The following NEK6 variants were observed in gnomAD, a reference collection of about 807,000 sequenced individuals.
The protein encoded by NEK6 is serine/threonine-protein kinase Nek6.
In NEK6, 27 loss-of-function variants were observed where a neutral mutation model predicts 43.5. That is an observed-to-expected ratio of 0.62 (90% CI 0.46 to 0.86). The LOEUF is 0.86. NEK6 is among the 40% of genes least tolerant of loss of function. The pLI is 0.00. For missense variants in NEK6, 318 were observed against 414.4 expected (o/e 0.77, Z 2.02); for synonymous variants, 167 against 164.1 (o/e 1.02, Z -0.14).
At chr9:124,289,176 G>GCC (rs61199330) in intron 1 of NEK6, among the ~76,000 whole-genome samples, 1 of 34,218 alleles carries the variant, frequency 2.9e-5, no homozygotes, top group African/African-American at 1.7e-4. Flanking sequence ...CACCCCCCCC[G>GCC]CCCCCCCCCG....
At chr9:124,337,150 T>C (rs1255846170) in intron 7 of NEK6, among the ~76,000 whole-genome samples, 1 of 152,222 alleles carries the variant, frequency 6.6e-6, no homozygotes. Flanking sequence ...ATGCCTCTGG[T>C]GATGGAGAGC....
chr9:124,329,122 C>T (rs932177456), intron 7 of NEK6, among the ~76,000 whole-genome samples: 6 of 152,202 alleles, frequency 3.9e-5, no homozygotes, highest in Non-Finnish European at 5.9e-5. Context: ...TTTGGGGACC[C>T]GGGCCACTGA....
At position 124,275,393 on chromosome 9, in the gene NEK6, G is replaced by A. The variant is rs117585522; in HGVS notation, c.-30+17308G>A. Among the ~76,000 whole-genome samples the A allele has an allele frequency of 5.3e-5, 8 of 152,122 alleles. 1 individual carries two copies. The highest frequency in any genetic ancestry group is 4.1e-4 in the South Asian group (2 of 4,824). ...GTGGAGGGGTGACCTGGTTGATGAC[G>A]GTCATGGAGCCCAGAACCCATGGGT... On this transcript the variant is annotated intron_variant, in intron 1 of 9. Transcript: ENST00000320246. The surrounding 1 kb of genome is among the most constrained non-coding windows in gnomAD (Gnocchi z 4.4).
chr9:124,336,652 G>T (rs978360790), intron 7 of NEK6, among the ~76,000 whole-genome samples: 8 of 152,186 alleles, frequency 5.3e-5, no homozygotes, highest in African/African-American at 1.9e-4. Flanking sequence ...GACAGCAGCA[G>T]CCTCTGTCAC....
chr9:124,308,207 C>A (rs917476064), intron 2 of NEK6, among the ~76,000 whole-genome samples: 3 of 152,230 alleles, frequency 2.0e-5, no homozygotes, highest in African/African-American at 7.2e-5. Context: ...TGAGCCCCAG[C>A]CTCCAGGCCC....
chr9:124,313,187 A>G (rs1392619919), intron 3 of NEK6, among the ~76,000 whole-genome samples: 1 of 152,202 alleles, frequency 6.6e-6, no homozygotes. Flanking sequence ...TAAATCCTCC[A>G]GCAAAGCTTC....
chr9:124,282,318 A>G (rs1831949103), intron 1 of NEK6, among the ~76,000 whole-genome samples: 1 of 152,136 alleles, frequency 6.6e-6, no homozygotes, highest in Admixed American at 6.5e-5. Context: ...CTCTGTCGCC[A>G]CATGGCCTTC....
At chr9:124,268,362 G>T (rs1831304644) in intron 1 of NEK6, among the ~76,000 whole-genome samples, 2 of 152,180 alleles carry the variant, frequency 1.3e-5, no homozygotes, top group African/African-American at 4.8e-5. Flanking sequence ...CTGGCCTGGT[G>T]CTGGGTACTG....
At chr9:124,263,756 C>T (rs931643113) in intron 1 of NEK6, among the ~76,000 whole-genome samples, 3 of 152,170 alleles carry the variant, frequency 2.0e-5, no homozygotes, top group South Asian at 4.1e-4. Context: ...GCTCCCAAAA[C>T]GGAAGGGAAG....
chr9:124,325,072 G>T (rs1834266695), intron 5 of NEK6, among the ~76,000 whole-genome samples: 1 of 152,146 alleles, frequency 6.6e-6, no homozygotes, highest in South Asian at 2.1e-4. Context: ...CTACTCGGGA[G>T]ACTGAGGCAG....
At chr9:124,295,433 G>T (rs939957779) in intron 1 of NEK6, among the ~76,000 whole-genome samples, 1 of 152,168 alleles carries the variant, frequency 6.6e-6, no homozygotes, top group African/African-American at 2.4e-5. Context: ...CGGGGCTGGG[G>T]CTGGGGAAGG....
chr9:124,257,831 C>T (rs1830864677), upstream of NEK6: 23 of 1,146,600 alleles, frequency 2.0e-5, no homozygotes, highest in Non-Finnish European at 2.6e-5. Context: ...CCAGGAAGGA[C>T]GCCGCCGGGG....
At chr9:124,281,889 T>C (rs1222096796) in intron 1 of NEK6, among the ~76,000 whole-genome samples, 1 of 152,110 alleles carries the variant, frequency 6.6e-6, no homozygotes, top group Non-Finnish European at 1.5e-5. Flanking sequence ...ATCTTCAAAA[T>C]GTGGGAGAGG....
At chr9:124,293,017 A>C in intron 1 of NEK6, 1 of 1,535,932 alleles carries the variant, frequency 6.5e-7, no homozygotes, top group African/African-American at 1.4e-5. Flanking sequence ...CCTCGAGGTG[A>C]GAGCAAGATC....
intron 1 of NEK6, among the ~76,000 whole-genome samples, chr9:124,277,392 G>A (rs1424274548): frequency 6.6e-6 from 1 of 152,232 alleles, no homozygotes; most frequent in Admixed American, 6.5e-5. Flanking sequence ...GTTGCAGTGA[G>A]CCGAGCTTGT....
At chr9:124,320,929 A>G (rs775949927) in intron 4 of NEK6, among the ~76,000 whole-genome samples, 7 of 152,048 alleles carry the variant, frequency 4.6e-5, no homozygotes, top group Non-Finnish European at 8.8e-5. Flanking sequence ...CTATCTCTAC[A>G]AAAAAATATT....
rs185773459 is a variant in NEK6, at chr9:124,334,687, G to A, written c.623-4884G>A. On this transcript the variant is annotated intron_variant, in intron 7 of 9. Transcript: ENST00000320246. Reference sequence around the variant, plus strand: ...GGCCAGGGGAGGGGACCTTAAAGGAGCCCGCAAGGTGGCAAAGGGAACAGC... The same window carrying A: ...GGCCAGGGGAGGGGACCTTAAAGGAACCCGCAAGGTGGCAAAGGGAACAGC... Among the ~76,000 whole-genome samples, 202 of 152,334 alleles carry A rather than the reference G, an allele frequency of 1.3e-3. 2 individuals carry two copies. Among genetic ancestry groups the A allele is most frequent in the African/African-American group, 4.2e-3 (173 of 41,586 alleles).
At chr9:124,260,156 ACCTGCCCAGCCT>A (rs1007306209) in intron 1 of NEK6, among the ~76,000 whole-genome samples, 2 of 152,048 alleles carry the variant, frequency 1.3e-5, no homozygotes, top group African/African-American at 4.8e-5. Flanking sequence ...ATCCGAAGTC[ACCTGCCCAGCCT>A]CACAGCCTTT....
At chr9:124,281,467 T>TTCCATGTCA (rs1171531309) in intron 1 of NEK6, among the ~76,000 whole-genome samples, 4 of 151,252 alleles carry the variant, frequency 2.6e-5, no homozygotes, top group African/African-American at 9.7e-5. Context: ...CATAGCTACT[T>TTCCATGTCA]TCCATGTCAG....
Sources: allele counts gnomAD v4.1 joint callset (sites outside exome capture counted in the v4.1 genomes callset), GRCh38; gene constraint gnomAD v4.1.1; non-coding constraint Gnocchi (gnomAD v3.1); transcripts MANE v1.5; gene names NCBI Gene and HGNC (gene_info 2026-07-23, HGNC 2026-07-21).